Variants in RBFOX1 observed in about 807,000 individuals in gnomAD.
RBFOX1 encodes the protein RNA binding protein fox-1 homolog 1.
A neutral mutation model predicts 57.7 loss-of-function variants in RBFOX1; 8 were observed. That is an observed-to-expected ratio of 0.14 (90% CI 0.08 to 0.25). RBFOX1 has a LOEUF of 0.25. Among genes scored for constraint, RBFOX1 ranks in the 10% least tolerant of loss-of-function variants. The pLI, the probability that RBFOX1 is intolerant of heterozygous loss-of-function variation, is 1.00. For synonymous variants in RBFOX1, 326 were observed against 222.4 expected, an observed-to-expected ratio of 1.47 and a Z score of -4.15; for missense variants, 611 against 548.5, an observed-to-expected ratio of 1.11 and a Z score of -1.14.
At chr16:7,473,309 C>T (rs188831877) in intron 4 of RBFOX1, among the ~76,000 whole-genome samples, 4 of 151,326 alleles carry the variant, frequency 2.6e-5, no homozygotes, top group South Asian at 4.2e-4. Context: ...ACTCAGGAGG[C>T]GGAGGTTGTA....
At position 5,517,038 on chromosome 16, in the gene RBFOX1, G is replaced by A. The variant is rs3922436; in HGVS notation, c.258+49784G>A. ...AATCAAAAGTCTCCTGGGCAAGTTG[G>A]TGCATACAGGTTCATAAAAATAACT... On this transcript the variant is annotated intron_variant, in intron 2 of 2. Coordinates refer to the RBFOX1 transcript ENST00000585867. Among the ~76,000 whole-genome samples, 494 of 151,412 alleles carry A rather than the reference G, an allele frequency of 3.3e-3. 2 individuals are homozygous for A. The highest frequency in any genetic ancestry group is 0.01 in the Middle Eastern group (3 of 294).
At chr16:7,296,941 T>A (rs1039986538) in intron 4 of RBFOX1, among the ~76,000 whole-genome samples, 3 of 152,118 alleles carry the variant, frequency 2.0e-5, no homozygotes, top group African/African-American at 7.2e-5. Flanking sequence ...AGTATAGGTA[T>A]GTGTAAAGGT....
chr16:6,989,608 G>C (rs1484043013), intron 3 of RBFOX1, among the ~76,000 whole-genome samples: 1 of 152,126 alleles, frequency 6.6e-6, no homozygotes, highest in Admixed American at 6.5e-5. Flanking sequence ...ATTTAAGAGT[G>C]GGACAGAAGT....
At chr16:5,544,254 C>T (rs1051903495) in intron 2 of RBFOX1, among the ~76,000 whole-genome samples, 2 of 152,178 alleles carry the variant, frequency 1.3e-5, no homozygotes, top group Admixed American at 6.5e-5. Context: ...TGGAATTAAA[C>T]TGGAAATTGG....
rs77711763 is a variant in RBFOX1, at chr16:6,939,058, A to G, written c.-15-112999A>G. On this transcript the variant is annotated intron_variant, in intron 3 of 15. Coordinates refer to ENST00000550418, the MANE Select transcript of RBFOX1 (RefSeq NM_018723.4). ...TGACGAACTCTGGAATATCAATGCTACCATGGGGTTTGTTCTTTTCCTGTC... is the reference window on the plus strand; with the variant it reads ...TGACGAACTCTGGAATATCAATGCTGCCATGGGGTTTGTTCTTTTCCTGTC... 3.7e-3 allele frequency among the ~76,000 whole-genome samples: 571 copies of G among 152,316 alleles called. 3 individuals carry two copies. Among genetic ancestry groups the G allele is most frequent in the African/African-American group, 0.013 (543 of 41,578 alleles).
At chr16:6,952,445 G>C (rs1035791531) in intron 3 of RBFOX1, among the ~76,000 whole-genome samples, 1 of 152,080 alleles carries the variant, frequency 6.6e-6, no homozygotes, top group Non-Finnish European at 1.5e-5. Context: ...CCAGGAGTTT[G>C]AGACCAGCCT....
chr16:5,328,336 G>C (rs1237496348), intron 1 of RBFOX1, among the ~76,000 whole-genome samples: 1 of 152,202 alleles, frequency 6.6e-6, no homozygotes, highest in East Asian at 1.9e-4. Flanking sequence ...AGGAAAGGCT[G>C]TCTGCAAGCC....
chr16:5,666,435 T>G (rs934960224), intron 3 of RBFOX1, among the ~76,000 whole-genome samples: 1 of 152,190 alleles, frequency 6.6e-6, no homozygotes, highest in African/African-American at 2.4e-5. Flanking sequence ...TGAATTCCAT[T>G]GAATTCACTT....
intron 3 of RBFOX1, among the ~76,000 whole-genome samples, chr16:7,027,103 G>T (rs1308301095): frequency 6.6e-6 from 1 of 152,048 alleles, no homozygotes; most frequent in African/African-American, 2.4e-5. Flanking sequence ...TCCTGAACCC[G>T]TCTCTCCTAA....
chr16:5,917,522 C>T (rs987487515), intron 4 of RBFOX1, among the ~76,000 whole-genome samples: 5 of 152,174 alleles, frequency 3.3e-5, no homozygotes, highest in Non-Finnish European at 7.4e-5. Context: ...CGGGAATTCC[C>T]AGGTTGTTCT....
chr16:6,014,446 G>C (rs4786801), upstream of RBFOX1, among the ~76,000 whole-genome samples: 20,250 of 152,194 alleles, frequency 0.13, 1,472 homozygotes, highest in Middle Eastern at 0.18. Flanking sequence ...GTGGACACCA[G>C]ATAGCTCATT....
intron 3 of RBFOX1, among the ~76,000 whole-genome samples, chr16:6,782,710 G>A (rs1198531354): frequency 6.6e-6 from 1 of 152,134 alleles, no homozygotes; most frequent in Non-Finnish European, 1.5e-5. Flanking sequence ...TTCAGCTATC[G>A]AATGAAATGT....
chr16:5,391,417 A>G (rs745651787), intron 1 of RBFOX1, among the ~76,000 whole-genome samples: 3 of 152,092 alleles, frequency 2.0e-5, no homozygotes, highest in Non-Finnish European at 4.4e-5. Context: ...TCCGTCTTCA[A>G]AGCTAGCCAG....
At chr16:7,430,265 A>T (rs978691052) in intron 4 of RBFOX1, among the ~76,000 whole-genome samples, 13 of 152,184 alleles carry the variant, frequency 8.5e-5, no homozygotes, top group Non-Finnish European at 1.9e-4. Flanking sequence ...AAAATTATTT[A>T]TTGTTTTGTT....
chr16:6,958,043 A>G (rs1444758281), intron 3 of RBFOX1, among the ~76,000 whole-genome samples: 1 of 152,168 alleles, frequency 6.6e-6, no homozygotes, highest in Non-Finnish European at 1.5e-5. Flanking sequence ...GGCATGGTTC[A>G]TCGAGGGGCC....
At chr16:6,523,573 T>G (rs954457741) in intron 2 of RBFOX1, among the ~76,000 whole-genome samples, 3 of 152,200 alleles carry the variant, frequency 2.0e-5, no homozygotes, top group African/African-American at 7.2e-5. Flanking sequence ...GACCTTGCCT[T>G]TCAGTCTGTA....
At chr16:7,092,575 A>G (rs1446224723) in intron 4 of RBFOX1, among the ~76,000 whole-genome samples, 2 of 152,194 alleles carry the variant, frequency 1.3e-5, no homozygotes, top group African/African-American at 4.8e-5. Flanking sequence ...GCTTATAAAA[A>G]TCCTTGCTAG....
chr16:7,215,607 T>G (rs2091903516), intron 4 of RBFOX1, among the ~76,000 whole-genome samples: 1 of 152,168 alleles, frequency 6.6e-6, no homozygotes, highest in African/African-American at 2.4e-5. Flanking sequence ...ATTCTAAATT[T>G]ACACCATCTT....
chr16:6,614,483 A>C (rs1472620926), intron 2 of RBFOX1, among the ~76,000 whole-genome samples: 2 of 152,194 alleles, frequency 1.3e-5, no homozygotes, highest in African/African-American at 2.4e-5. Context: ...AGGACAAACC[A>C]ATCACTGCGG....
Sources: allele counts gnomAD v4.1 joint callset (sites outside exome capture counted in the v4.1 genomes callset), GRCh38; gene constraint gnomAD v4.1.1; transcripts MANE v1.5; gene names NCBI Gene and HGNC (gene_info 2026-07-23, HGNC 2026-07-21).